EXTL3: variants seen among roughly 807,000 people sequenced by gnomAD.
EXTL3 encodes exostosin like glycosyltransferase 3.
In EXTL3, 27 loss-of-function variants were observed where a neutral mutation model predicts 69.3. The observed-to-expected ratio is 0.39, with a 90% CI of 0.29 to 0.54. The LOEUF is 0.54. Among genes scored for constraint, EXTL3 ranks in the 20% least tolerant of loss-of-function variants. The pLI, the probability that EXTL3 is intolerant of heterozygous loss-of-function variation, is 0.69. For synonymous variants in EXTL3, 511 were observed against 499.4 expected, an observed-to-expected ratio of 1.02 and a Z score of -0.31; for missense variants, 1,003 against 1,231.8, an observed-to-expected ratio of 0.81 and a Z score of 2.78.
upstream of EXTL3, among the ~76,000 whole-genome samples, chr8:28,619,558 A>C (rs1043908377): frequency 1.3e-5 from 2 of 152,018 alleles, no homozygotes; most frequent in East Asian, 1.9e-4. Context: ...CACTGCTGCC[A>C]GTTGGAGGTT....
intron 3 of EXTL3, among the ~76,000 whole-genome samples, 176 bp from the exon 4 acceptor site, chr8:28,731,047 T>C (rs1358165924): frequency 6.6e-6 from 1 of 152,228 alleles, no homozygotes; most frequent in Non-Finnish European, 1.5e-5. Flanking sequence ...TATACATTTA[T>C]TGAAGTATAA....
chr8:28,662,805 G>A (rs1246653496), intron 1 of EXTL3, among the ~76,000 whole-genome samples: 2 of 152,114 alleles, frequency 1.3e-5, no homozygotes, highest in African/African-American at 4.8e-5. Context: ...CCAGCTACTG[G>A]GGAGGCTGAG....
chr8:28,736,164 T>C (rs1209212080), intron 4 of EXTL3, among the ~76,000 whole-genome samples: 1 of 152,216 alleles, frequency 6.6e-6, no homozygotes, highest in Non-Finnish European at 1.5e-5. Flanking sequence ...ATGTTTGTTT[T>C]GCCACAATTT....
At position 28,717,763 on chromosome 8, in the gene EXTL3, T is replaced by C. The variant is rs748555675; in HGVS notation, c.1704T>C (p.Ala568=). The C allele has an allele frequency of 1.1e-5, 17 of 1,613,964 alleles. No individual in the cohort carries two copies. Among genetic ancestry groups the C allele is most frequent in the Non-Finnish European group, 1.3e-5 (15 of 1,179,914 alleles). The stretch of plus-strand genomic sequence containing the variant: ...CGGCTGGAACTGACCCCAACATGGC[T>C]GACAACGGGGACCTGGACCTGGGGC... ...GKAAGTDPNM[A]DNGDLDLGPV... Residue 568 remains alanine (A), a synonymous_variant, in exon 3 of 7, where the codon GCT becomes GCC. Transcript: ENST00000220562. The surrounding 1 kb of genome is among the most constrained non-coding windows in gnomAD (Gnocchi z 8.3).
intron 2 of EXTL3, among the ~76,000 whole-genome samples, chr8:28,612,893 GT>G (rs1373275178): frequency 1.3e-5 from 2 of 151,996 alleles, no homozygotes; most frequent in Non-Finnish European, 2.9e-5. Context: ...TAATTTTTAA[GT>G]TTTTTGTAGA....
chr8:28,714,208 A>G (rs1424284419), intron 2 of EXTL3, among the ~76,000 whole-genome samples: 1 of 152,110 alleles, frequency 6.6e-6, no homozygotes, highest in African/African-American at 2.4e-5. Flanking sequence ...GCCCAGCCTA[A>G]TATCCCCTTG....
intron 1 of EXTL3, among the ~76,000 whole-genome samples, chr8:28,641,015 C>T (rs1162189705): frequency 6.6e-6 from 1 of 152,078 alleles, no homozygotes; most frequent in South Asian, 2.1e-4. Context: ...CTTTTGGATC[C>T]TGTACATCTC....
At chr8:28,669,475 A>T (rs1384363195) in intron 1 of EXTL3, among the ~76,000 whole-genome samples, 1 of 152,178 alleles carries the variant, frequency 6.6e-6, no homozygotes. Flanking sequence ...AGATAAATTG[A>T]TATGTCCTCT....
chr8:28,646,124 A>G (rs1331661901), intron 1 of EXTL3, among the ~76,000 whole-genome samples: 1 of 152,160 alleles, frequency 6.6e-6, no homozygotes, highest in African/African-American at 2.4e-5. Context: ...GGCTTCCCAA[A>G]GTGTTGGGAT....
chr8:28,618,774 C>A (rs994081353), upstream of EXTL3, among the ~76,000 whole-genome samples: 12 of 151,956 alleles, frequency 7.9e-5, no homozygotes, highest in African/African-American at 2.9e-4. Flanking sequence ...CCTAGTGCCC[C>A]TAAAAGCCAG....
At chr8:28,755,937 C>G (rs1417790756), downstream of EXTL3, among the ~76,000 whole-genome samples, 1 of 152,164 alleles carries the variant, frequency 6.6e-6, no homozygotes. Flanking sequence ...CCCATCTACC[C>G]ATGCCCCGTC....
chr8:28,700,246 GA>G (rs1295291867), upstream of EXTL3: 5 of 152,262 alleles, frequency 3.3e-5, no homozygotes, highest in African/African-American at 2.4e-5. Context: ...GAAAGGAGAA[GA>G]AAAGTGAATA....
Position 28,716,316 on chromosome 8 carries a change from G to T in EXTL3, c.257G>T (p.Arg86Leu). 6.2e-7 allele frequency: 1 copy of T among 1,614,182 alleles called. No individual in the cohort carries two copies. Among genetic ancestry groups the T allele is most frequent in the African/African-American group, 1.3e-5 (1 of 75,058 alleles). The change falls in exon 3 of 7, where the codon CGG becomes CTG. Residue 86 changes from arginine (R) to leucine (L), a missense_variant. Coordinates refer to ENST00000220562, the MANE Select transcript of EXTL3 (RefSeq NM_001440.4). This position sits in a 1 kb window ranked among gnomAD's most constrained non-coding sequence, Gnocchi z 7.1. ...VKHVLDLCRIRESVSEELLQL... is the reference protein window; with the variant it reads ...VKHVLDLCRILESVSEELLQL... ...CACGTGCTGGATCTGTGCCGCATCCGGGAGTCGGTGAGTGAAGAGCTCCTG... is the reference window on the plus strand; with the variant it reads ...CACGTGCTGGATCTGTGCCGCATCCTGGAGTCGGTGAGTGAAGAGCTCCTG...
chr8:28,627,230 G>T (rs574316187), intron 1 of EXTL3, among the ~76,000 whole-genome samples: 1 of 151,636 alleles, frequency 6.6e-6, no homozygotes, highest in South Asian at 2.1e-4. Flanking sequence ...TCCCCTTGAG[G>T]CTGGGCGCAG....
chr8:28,636,751 C>T (rs1207096948), intron 1 of EXTL3, among the ~76,000 whole-genome samples: 1 of 152,196 alleles, frequency 6.6e-6, no homozygotes, highest in East Asian at 1.9e-4. Flanking sequence ...TGGCTTACGC[C>T]TGTAACCCCA....
rs1000116723 is a variant in EXTL3 at position 28,671,302 on chromosome 8, G to T, written c.-52-42155G>T. ...TGGCCTAATTTTATTTTTATGTTTT[G>T]TTTTTTGTTTTTTTTTTTTTTTTTT... On this transcript the variant is annotated intron_variant, in intron 1 of 6. Transcript: ENST00000523149. Among the ~76,000 whole-genome samples the T allele has an allele frequency of 6.4e-3, 643 of 100,772 alleles. 3 individuals are homozygous for T. The highest frequency in any genetic ancestry group is 0.022 in the African/African-American group (535 of 24,728). The allele number at this position is 100,772 out of a possible 152,430, so 66.1% of individuals were successfully genotyped here. A position where few individuals can be genotyped will look rare whatever the true frequency, so the allele number is the denominator to read the frequency against.
rs1167377323 is a variant in EXTL3, at chr8:28,716,870, C to T, written c.811C>T (p.His271Tyr). The change falls in exon 3 of 7, where the codon CAC (histidine) becomes TAC (tyrosine). Residue 271 changes from histidine (H) to tyrosine (Y), a missense_variant. Physicochemically the swap from His to Tyr is moderately conservative, Grantham distance 83 (BLOSUM62 2). Transcript: ENST00000220562. This position sits in a 1 kb window ranked among gnomAD's most constrained non-coding sequence, Gnocchi z 7.1. The stretch of plus-strand genomic sequence containing the variant: ...CCTGCCACACTGGCGGACGGATGGA[C>T]ACAACCATGTCATCATCAATCTGTC... ...YSLPHWRTDG[H>Y]NHVIINLSRK... The T allele has an allele frequency of 6.2e-7, 1 of 1,614,164 alleles. No individual in the cohort carries two copies. The highest frequency in any genetic ancestry group is 2.2e-5 in the East Asian group (1 of 44,884).
chr8:28,729,635 G>A (rs1219059693), intron 3 of EXTL3, among the ~76,000 whole-genome samples: 3 of 145,480 alleles, frequency 2.1e-5, no homozygotes, highest in Non-Finnish European at 4.5e-5. Flanking sequence ...CATTTTCTAT[G>A]GTGGCTTTGG....
At chr8:28,739,631 T>C (rs771811795) in intron 5 of EXTL3, among the ~76,000 whole-genome samples, 4 of 152,166 alleles carry the variant, frequency 2.6e-5, no homozygotes, top group Non-Finnish European at 5.9e-5. Context: ...GTGCCTGACA[T>C]ATAGGGACGT....
Sources: allele counts gnomAD v4.1 joint callset (sites outside exome capture counted in the v4.1 genomes callset), GRCh38; gene constraint gnomAD v4.1.1; non-coding constraint Gnocchi (gnomAD v3.1); transcripts MANE v1.5; gene names NCBI Gene and HGNC (gene_info 2026-07-23, HGNC 2026-07-21).